EYS: variants seen among roughly 807,000 people sequenced by gnomAD.
The protein encoded by EYS is protein eyes shut homolog.
EYS carries 250 observed loss-of-function variants against 282.1 expected under a neutral mutation model. That is an observed-to-expected ratio of 0.89 (90% CI 0.80 to 0.98). The LOEUF (loss-of-function observed/expected upper bound fraction) is 0.98. Ranked by LOEUF, EYS falls within the 50% of genes least tolerant of loss-of-function variation. The probability of loss-of-function intolerance (pLI) is 0.00; values close to 1 mark genes in which losing one functional copy is unlikely to be tolerated. For synonymous variants in EYS, 1,355 were observed against 1,282.9 expected (o/e 1.06, Z -1.20); for missense variants, 4,016 against 3,709.0 (o/e 1.08, Z -2.15).
intron 30 of EYS, among the ~76,000 whole-genome samples, chr6:64,268,772 T>A (rs1298206114): frequency 6.6e-6 from 1 of 151,730 alleles, no homozygotes; most frequent in Non-Finnish European, 1.5e-5. Flanking sequence ...ATGAGATGAG[T>A]ATGGGAGGGG....
intron 12 of EYS, among the ~76,000 whole-genome samples, chr6:65,241,334 T>TA (rs1263762633): frequency 6.6e-6 from 1 of 152,128 alleles, no homozygotes; most frequent in African/African-American, 2.4e-5. Flanking sequence ...GAGTTACAGT[T>TA]ACACGCATAG....
At chr6:63,847,456 C>T (rs754472463) in intron 36 of EYS, among the ~76,000 whole-genome samples, 1 of 152,052 alleles carries the variant, frequency 6.6e-6, no homozygotes, top group Non-Finnish European at 1.5e-5. Context: ...CTCTCCCTTT[C>T]TCTCTTTTTC....
intron 12 of EYS, among the ~76,000 whole-genome samples, chr6:65,113,303 T>A (rs1775268872): frequency 6.6e-6 from 1 of 152,060 alleles, no homozygotes; most frequent in African/African-American, 2.4e-5. Context: ...CAAGACTCTC[T>A]CTGTGAAGAA....
intron 30 of EYS, among the ~76,000 whole-genome samples, chr6:64,294,136 T>C (rs1768817138): frequency 6.6e-6 from 1 of 152,158 alleles, no homozygotes; most frequent in Non-Finnish European, 1.5e-5. Flanking sequence ...TCAACTTTAC[T>C]GTTGGAAAAA....
At chr6:65,532,798 T>C (rs374183067) in intron 2 of EYS, among the ~76,000 whole-genome samples, 1 of 152,226 alleles carries the variant, frequency 6.6e-6, no homozygotes, top group East Asian at 1.9e-4. Flanking sequence ...AAAAAAAATA[T>C]GGCAAGTATG....
At chr6:65,238,902 C>A (rs1766990685) in intron 12 of EYS, among the ~76,000 whole-genome samples, 1 of 151,904 alleles carries the variant, frequency 6.6e-6, no homozygotes, top group Non-Finnish European at 1.5e-5. Flanking sequence ...AAGTCAGTTA[C>A]ATGATTAATA....
rs190992147 is a variant in EYS at position 64,897,467 on chromosome 6, C to A, written c.2846+4646G>T. On this transcript the variant is annotated intron_variant, in intron 18 of 42. Transcript: ENST00000503581. ...TCCGAAGGTTACCAACAGCAAAGAC[C>A]AAAGGTAGACAAATCCACAAAGATG... Among the ~76,000 whole-genome samples the A allele has an allele frequency of 5.5e-3, 837 of 152,116 alleles. 5 individuals are homozygous for A. Among genetic ancestry groups the A allele is most frequent in the African/African-American group, 0.019 (789 of 41,476 alleles).
intron 12 of EYS, among the ~76,000 whole-genome samples, chr6:65,168,477 T>G (rs1198950667): frequency 6.6e-6 from 1 of 151,266 alleles, no homozygotes; most frequent in Non-Finnish European, 1.5e-5. Context: ...TCCTATCTCT[T>G]CACTGTCTCT....
chr6:64,155,247 T>C (rs1167405462), intron 31 of EYS, among the ~76,000 whole-genome samples: 1 of 152,192 alleles, frequency 6.6e-6, no homozygotes, highest in Non-Finnish European at 1.5e-5. Context: ...AATAGTTTAT[T>C]TTTGGAAACA....
At chr6:64,053,841 T>G (rs990981796) in intron 33 of EYS, among the ~76,000 whole-genome samples, 2 of 152,170 alleles carry the variant, frequency 1.3e-5, no homozygotes, top group Admixed American at 6.5e-5. Context: ...CTCATTAGGT[T>G]TGAGCCAATT....
chr6:63,787,716 C>A (rs1480772221), intron 39 of EYS, among the ~76,000 whole-genome samples: 1 of 152,148 alleles, frequency 6.6e-6, no homozygotes, highest in Non-Finnish European at 1.5e-5. Context: ...CCAAGGCAGG[C>A]GGATCACCTG....
At chr6:64,278,956 G>A (rs1768210821) in intron 30 of EYS, among the ~76,000 whole-genome samples, 4 of 152,126 alleles carry the variant, frequency 2.6e-5, no homozygotes, top group Admixed American at 2.6e-4. Context: ...GACTTGTTAT[G>A]TTGCCCAGGT....
chr6:64,476,289 G>C (rs1354336828), intron 26 of EYS, among the ~76,000 whole-genome samples: 2 of 152,052 alleles, frequency 1.3e-5, no homozygotes, highest in East Asian at 3.9e-4. Flanking sequence ...TCTATAGCAT[G>C]AGTCACATTT....
chr6:65,544,303 G>C (rs567450190), intron 2 of EYS, among the ~76,000 whole-genome samples: 6 of 152,120 alleles, frequency 3.9e-5, no homozygotes, highest in African/African-American at 1.4e-4. Context: ...ATGTCATTTT[G>C]TGCATATTTT....
chr6:64,944,894 T>C (rs540791619), intron 15 of EYS, among the ~76,000 whole-genome samples: 65 of 152,218 alleles, frequency 4.3e-4, no homozygotes, highest in Admixed American at 3.7e-3. Flanking sequence ...ATCTGGCTTA[T>C]GTGCATGTCC....
intron 33 of EYS, among the ~76,000 whole-genome samples, chr6:64,032,637 T>G (rs1441497401): frequency 6.6e-6 from 1 of 152,330 alleles, no homozygotes; most frequent in Middle Eastern, 3.4e-3. Flanking sequence ...TACCTATACA[T>G]TTGTCTGGCT....
chr6:64,781,841 A>G (rs1773873231), intron 22 of EYS, among the ~76,000 whole-genome samples: 1 of 152,234 alleles, frequency 6.6e-6, no homozygotes, highest in African/African-American at 2.4e-5. Context: ...TGCCTGCTAT[A>G]AAACTGTTTA....
In EYS at chr6:65,512,288, C is replaced by T. The variant is rs1436449622; in HGVS notation, c.-332-16295G>A. Among the ~76,000 whole-genome samples, 5 of 151,822 alleles carry T rather than the reference C, an allele frequency of 3.3e-5. No individual in the cohort carries two copies. In the East Asian group the frequency reaches 5.9e-4, roughly 18 times the overall value. On this transcript the variant is annotated intron_variant, in intron 2 of 42. Coordinates refer to ENST00000503581, the MANE Select transcript of EYS (RefSeq NM_001142800.2). ...CAGGCGGTTCACGAGGTCAGGAGATCGAGACCATCCTAATTAACACGGTGA... is the reference window on the plus strand; with the variant it reads ...CAGGCGGTTCACGAGGTCAGGAGATTGAGACCATCCTAATTAACACGGTGA...
intron 1 of EYS, among the ~76,000 whole-genome samples, chr6:65,706,181 G>A (rs1249621157): frequency 6.7e-6 from 1 of 149,574 alleles, no homozygotes; most frequent in East Asian, 1.9e-4. Context: ...TGATATAGAT[G>A]ATATGAGTAT....
Sources: allele counts gnomAD v4.1 joint callset (sites outside exome capture counted in the v4.1 genomes callset), GRCh38; gene constraint gnomAD v4.1.1; transcripts MANE v1.5; gene names NCBI Gene and HGNC (gene_info 2026-07-23, HGNC 2026-07-21).